Variants in NGF observed in about 807,000 individuals in gnomAD.
NGF encodes the protein nerve growth factor, also known as beta-nerve growth factor.
NGF carries 4 observed loss-of-function variants against 12.8 expected under a neutral mutation model. The ratio of observed to expected loss-of-function variants is 0.31; its 90% confidence interval spans 0.15 to 0.72. The LOEUF (loss-of-function observed/expected upper bound fraction) is 0.72. Among genes scored for constraint, NGF ranks in the 30% least tolerant of loss-of-function variants. The pLI is 0.69. For missense variants in NGF, 283 were observed against 330.8 expected, an observed-to-expected ratio of 0.86 and a Z score of 1.12; for synonymous variants, 140 against 130.0, an observed-to-expected ratio of 1.08 and a Z score of -0.52.
At chr1:115,316,244 C>T (rs1193333908) in intron 1 of NGF, among the ~76,000 whole-genome samples, 1 of 152,078 alleles carries the variant, frequency 6.6e-6, no homozygotes, top group Non-Finnish European at 1.5e-5. Flanking sequence ...CTCTTCTAGT[C>T]CTAAACTCCT....
intron 1 of NGF, among the ~76,000 whole-genome samples, chr1:115,312,238 A>G (rs1198638871): frequency 6.6e-6 from 1 of 152,208 alleles, no homozygotes; most frequent in Non-Finnish European, 1.5e-5. Context: ...TTTTGTAGGC[A>G]CAAGATTGTA....
intron 1 of NGF, among the ~76,000 whole-genome samples, chr1:115,320,467 T>C (rs1347129076): frequency 6.6e-6 from 1 of 152,092 alleles, no homozygotes; most frequent in African/African-American, 2.4e-5. Context: ...GTCCATCTGA[T>C]AACCAAACCA....
intron 1 of NGF, among the ~76,000 whole-genome samples, chr1:115,321,794 G>A (rs1249377636): frequency 6.6e-6 from 1 of 152,132 alleles, no homozygotes; most frequent in South Asian, 2.1e-4. Context: ...TTCCCAAAAG[G>A]CTAAAGTCTT....
At chr1:115,305,885 A>G (rs936479993) in intron 1 of NGF, among the ~76,000 whole-genome samples, 1 of 152,188 alleles carries the variant, frequency 6.6e-6, no homozygotes, top group African/African-American at 2.4e-5. Flanking sequence ...GACAGAAACT[A>G]TTCACTCTGG....
intron 1 of NGF, among the ~76,000 whole-genome samples, chr1:115,336,472 AATT>A (rs1221067605): frequency 6.6e-6 from 1 of 152,160 alleles, no homozygotes; most frequent in Non-Finnish European, 1.5e-5. Context: ...TGTGTGAGTC[AATT>A]CCAGCTAGGC....
chr1:115,299,530 A>C (rs1653969425), intron 1 of NGF, among the ~76,000 whole-genome samples: 1 of 152,194 alleles, frequency 6.6e-6, no homozygotes, highest in South Asian at 2.1e-4. Flanking sequence ...AGGTTTTCAA[A>C]GTGTGGGTAA....
chr1:115,313,558 G>A (rs1245238869), intron 1 of NGF, among the ~76,000 whole-genome samples: 1 of 152,174 alleles, frequency 6.6e-6, no homozygotes, highest in African/African-American at 2.4e-5. Context: ...ATCATAGTAA[G>A]TTTCTTTATT....
At position 115,286,789 on chromosome 1, in the gene NGF, T is replaced by C. The variant is rs1557934007; in HGVS notation, c.7A>G (p.Met3Val). 1 of 1,614,128 alleles carries C rather than the reference T, an allele frequency of 6.2e-7. No homozygotes were observed. The highest frequency in any genetic ancestry group is 8.5e-7 in the Non-Finnish European group (1 of 1,180,040). ...GCTGTGATCAGAGTGTAGAACAACA[T>C]GGACATTACGCTATGCACCTGGAAT... MS[M>V]LFYTLITAFL... Residue 3 changes from methionine (M) to valine (V), a missense_variant, in exon 3 of 3, where the codon ATG (methionine) becomes GTG (valine). By Grantham distance (21) the Met-to-Val change is conservative. Coordinates refer to ENST00000369512, the MANE Select transcript of NGF (RefSeq NM_002506.3).
intron 1 of NGF, among the ~76,000 whole-genome samples, chr1:115,315,106 G>A (rs911955750): frequency 1.3e-5 from 2 of 152,334 alleles, no homozygotes; most frequent in South Asian, 4.1e-4. Context: ...CTGGGGCAGA[G>A]TTTTAGGAGA....
At chr1:115,309,237 C>G (rs1024118370) in intron 1 of NGF, among the ~76,000 whole-genome samples, 1 of 152,026 alleles carries the variant, frequency 6.6e-6, no homozygotes, top group African/African-American at 2.4e-5. Context: ...CAAGCCAGGA[C>G]TTGGTAATAT....
At chr1:115,328,129 C>T (rs550356989) in intron 1 of NGF, among the ~76,000 whole-genome samples, 13 of 151,714 alleles carry the variant, frequency 8.6e-5, no homozygotes, top group South Asian at 6.3e-4. Flanking sequence ...TGAGTACTAG[C>T]GGTGAAAATG....
intron 1 of NGF, among the ~76,000 whole-genome samples, chr1:115,326,231 G>A (rs1015062151): frequency 6.6e-6 from 1 of 152,114 alleles, no homozygotes; most frequent in Non-Finnish European, 1.5e-5. Flanking sequence ...AGAAGAGACA[G>A]GGACATGTGT....
chr1:115,323,226 C>A (rs1654678234), intron 1 of NGF, among the ~76,000 whole-genome samples: 1 of 152,000 alleles, frequency 6.6e-6, no homozygotes, highest in Admixed American at 6.5e-5. Flanking sequence ...TAGAATCTGC[C>A]CCTGGGATGA....
intron 1 of NGF, among the ~76,000 whole-genome samples, chr1:115,313,189 G>A (rs1388537524): frequency 6.6e-6 from 1 of 152,238 alleles, no homozygotes; most frequent in Non-Finnish European, 1.5e-5. Context: ...GTTTCACATA[G>A]TAGCTTTCAT....
intron 1 of NGF, among the ~76,000 whole-genome samples, chr1:115,335,326 C>T (rs1339628586): frequency 6.6e-6 from 1 of 152,206 alleles, no homozygotes; most frequent in East Asian, 1.9e-4. Flanking sequence ...TAACTATTTT[C>T]CCACTGTTAT....
chr1:115,311,125 AC>A (rs1200031749), intron 1 of NGF, among the ~76,000 whole-genome samples: 1 of 152,220 alleles, frequency 6.6e-6, no homozygotes, highest in Non-Finnish European at 1.5e-5. Flanking sequence ...GTTCCAAAGC[AC>A]AAAAAGCATT....
intron 1 of NGF, among the ~76,000 whole-genome samples, chr1:115,307,111 A>G (rs1654222878): frequency 6.6e-6 from 1 of 152,176 alleles, no homozygotes; most frequent in African/African-American, 2.4e-5. Context: ...TCCTGAACAG[A>G]TGGAATGAGA....
intron 1 of NGF, among the ~76,000 whole-genome samples, chr1:115,333,706 T>C (rs78157855): frequency 2.1e-3 from 113 of 52,892 alleles, no homozygotes; most frequent in African/African-American, 3.2e-3. Context: ...TCTTTCTTTC[T>C]TTCTTTCTTT....
At chr1:115,336,807 G>T (rs528201835) in intron 1 of NGF, among the ~76,000 whole-genome samples, 11 of 152,348 alleles carry the variant, frequency 7.2e-5, no homozygotes, top group African/African-American at 2.6e-4. Flanking sequence ...ACCCTGGAGA[G>T]AAGTTACTGA....
Sources: allele counts gnomAD v4.1 joint callset (sites outside exome capture counted in the v4.1 genomes callset), GRCh38; gene constraint gnomAD v4.1.1; transcripts MANE v1.5; gene names NCBI Gene and HGNC (gene_info 2026-07-23, HGNC 2026-07-21).